ONECUT3: variants seen among roughly 807,000 people sequenced by gnomAD.
ONECUT3 encodes one cut domain family member 3.
A neutral mutation model predicts 16.8 loss-of-function variants in ONECUT3; 11 were observed. That is an observed-to-expected ratio of 0.66 (90% CI 0.41 to 1.09). The LOEUF (loss-of-function observed/expected upper bound fraction) is 1.09. Ranked by LOEUF, ONECUT3 falls within the 50% of genes least tolerant of loss-of-function variation. ONECUT3 has a pLI of 0.00. For synonymous variants in ONECUT3, 344 were observed against 310.7 expected, an observed-to-expected ratio of 1.11 and a Z score of -1.13; for missense variants, 637 against 629.9, an observed-to-expected ratio of 1.01 and a Z score of -0.12.
At chr19:1,757,138 G>C (rs1056043761) in intron 1 of ONECUT3, among the ~76,000 whole-genome samples, 1 of 151,736 alleles carries the variant, frequency 6.6e-6, no homozygotes, top group African/African-American at 2.4e-5. Context: ...CCCATGGGGG[G>C]GGGGTGGGCT....
Position 1,769,574 on chromosome 19 carries a change from G to C in ONECUT3, c.1193-5579G>C, listed in dbSNP as rs139457546. Among the ~76,000 whole-genome samples the C allele has an allele frequency of 2.5e-3, 370 of 148,768 alleles. 4 individuals carry two copies. Among genetic ancestry groups the C allele is most frequent in the Admixed American group, 5.4e-3 (81 of 14,998 alleles). On this transcript the variant is annotated intron_variant, in intron 1 of 1. Transcript: ENST00000382349. The stretch of plus-strand genomic sequence containing the variant: ...TGGGTTGGCACAGGGGTGGCCTTTA[G>C]GATTGGTGTGGGGGTGAACCTGATG...
At chr19:1,775,059 A>C in intron 1 of ONECUT3, 94 bp from the exon 2 acceptor site, 2 of 757,244 alleles carry the variant, frequency 2.6e-6, no homozygotes, top group South Asian at 1.9e-5. Flanking sequence ...CCTCCTCCTC[A>C]TCCTCCGGGC....
chr19:1,754,420 G>A lies in ONECUT3; in HGVS notation c.758G>A (p.Gly253Glu). Residue 253 changes from glycine (G) to glutamate (E), a missense_variant, in exon 1 of 2, where the codon GGA becomes GAA. Transcript: ENST00000382349. The surrounding 1 kb of genome is among the most constrained non-coding windows in gnomAD (Gnocchi z 7.4). ...AAFEPHAALL[G>E]RAEDALARGL... ...TTCGAGCCGCACGCCGCGCTGCTGG[G>A]ACGCGCGGAGGACGCACTGGCCCGC... 9.5e-7 allele frequency: 1 copy of A among 1,054,970 alleles called. No individual in the cohort carries two copies. The highest frequency in any genetic ancestry group is 1.1e-6 in the Non-Finnish European group (1 of 872,202). The allele number at this position is 1,054,970 out of a possible 1,614,324, so 65.4% of individuals were successfully genotyped here. A position where few individuals can be genotyped will look rare whatever the true frequency, so the allele number is the denominator to read the frequency against.
At chr19:1,760,928 T>G (rs1167829240) in intron 1 of ONECUT3, among the ~76,000 whole-genome samples, 2 of 152,056 alleles carry the variant, frequency 1.3e-5, no homozygotes, top group African/African-American at 4.8e-5. Flanking sequence ...CATTCTTCTC[T>G]CTGAATCTCC....
rs1226790318 is a variant in ONECUT3, at chr19:1,766,465, AGAGGGAAGGAAGGGAAGT to A, written c.1193-8673_1193-8656del. ...GGGGGAGAGAAGGAGGAGGAGGGGG[AGAGGGAAGGAAGGGAAGT>A]GAGGGAAGGAAGGGGAAGAGGGGAG... On this transcript the variant is annotated intron_variant, in intron 1 of 1. Transcript: ENST00000382349. The surrounding 1 kb of genome is among the most constrained non-coding windows in gnomAD (Gnocchi z 4.0). Among the ~76,000 whole-genome samples, 1 of 128,182 alleles carries A rather than the reference AGAGGGAAGGAAGGGAAGT, an allele frequency of 7.8e-6. No homozygotes were observed. Among genetic ancestry groups the A allele is most frequent in the African/African-American group, 2.9e-5 (1 of 33,952 alleles). The allele number at this position is 128,182 out of a possible 152,430, so 84.1% of individuals were successfully genotyped here. A position where few individuals can be genotyped will look rare whatever the true frequency, so the allele number is the denominator to read the frequency against.
rs1002229522 is a variant in ONECUT3 at position 1,759,777 on chromosome 19, G to A, written c.1192+4923G>A. On this transcript the variant is annotated intron_variant, in intron 1 of 1. Transcript: ENST00000382349. This position sits in a 1 kb window ranked among gnomAD's most constrained non-coding sequence, Gnocchi z 4.1. ...AATGAAATGACGCCTAGGAGAGGGGGTATGAGGGGCTGGAGGGGCTCAGGG... is the reference window on the plus strand; with the variant it reads ...AATGAAATGACGCCTAGGAGAGGGGATATGAGGGGCTGGAGGGGCTCAGGG... 6.6e-6 allele frequency among the ~76,000 whole-genome samples: 1 copy of A among 152,106 alleles called. No individual in the cohort carries two copies. The highest frequency in any genetic ancestry group is 1.9e-4 in the East Asian group (1 of 5,176).
rs963243545 is a variant in ONECUT3 at position 1,764,511 on chromosome 19, G to A, written c.1192+9657G>A. The stretch of plus-strand genomic sequence containing the variant: ...GTGGGCTCCGCGTGAGATGTGGGCA[G>A]GGCAGGCATGGGGAGGGTAAGCCAC... On this transcript the variant is annotated intron_variant, in intron 1 of 1. Coordinates refer to ENST00000382349, the MANE Select transcript of ONECUT3 (RefSeq NM_001080488.2). The surrounding 1 kb of genome is among the most constrained non-coding windows in gnomAD (Gnocchi z 5.0). Among the ~76,000 whole-genome samples the A allele has an allele frequency of 2.2e-4, 33 of 152,142 alleles. No individual in the cohort carries two copies. Among genetic ancestry groups the A allele is most frequent in the Non-Finnish European group, 1.8e-4 (12 of 68,026 alleles).
intron 1 of ONECUT3, among the ~76,000 whole-genome samples, chr19:1,774,292 T>C (rs1162887725): frequency 1.3e-5 from 2 of 151,974 alleles, no homozygotes; most frequent in Non-Finnish European, 2.9e-5. Flanking sequence ...TAGAGCTTGG[T>C]TGTCACAGCC....
rs754669177 is a variant in ONECUT3, at chr19:1,763,784, T to TC, written c.1192+8936dup. Among the ~76,000 whole-genome samples, 43 of 151,072 alleles carry TC rather than the reference T, an allele frequency of 2.8e-4. 1 individual carries two copies. The highest frequency in any genetic ancestry group is 5.9e-4 in the Admixed American group (9 of 15,154). ...GGAGCTTCAGATGCTCCGAGATTCT[T>TC]CCCCCCGGCTCAGATCCGTGAAGCG... On this transcript the variant is annotated intron_variant, in intron 1 of 1. Coordinates refer to ENST00000382349, the MANE Select transcript of ONECUT3 (RefSeq NM_001080488.2).
intron 1 of ONECUT3, among the ~76,000 whole-genome samples, chr19:1,757,028 T>C (rs2067919809): frequency 6.6e-6 from 1 of 151,788 alleles, no homozygotes; most frequent in Non-Finnish European, 1.5e-5. Flanking sequence ...TGTCACGTTA[T>C]GTAACTAATG....
Position 1,775,255 on chromosome 19 carries a change from T to A in ONECUT3, c.1295T>A (p.Ile432Asn). ...CTGCAGCGACGCACGCTGATCGCCA[T>A]CTTCAAGGAGAACAAGCGGCCGTCC... ...TDLQRRTLIA[I>N]FKENKRPSKE... The change falls in exon 2 of 2, where the codon ATC becomes AAC. Residue 432 changes from isoleucine to asparagine, a missense_variant. Ile to Asn is a moderately radical substitution (Grantham distance 149). Coordinates refer to ENST00000382349, the MANE Select transcript of ONECUT3 (RefSeq NM_001080488.2). 1 of 1,599,250 alleles carries A rather than the reference T, an allele frequency of 6.3e-7. No individual in the cohort carries two copies. The highest frequency in any genetic ancestry group is 8.5e-7 in the Non-Finnish European group (1 of 1,173,022).
In ONECUT3 at chr19:1,753,843, G is replaced by A. The variant is rs886261739; in HGVS notation, c.181G>A (p.Gly61Ser). ...CCTGCTGGACGGCGGCGGCGGCGGC[G>A]GCGGTGGGGGCGCCGGGGGCGCGGG... ...ASLLDGGGGGGGGGAGGAGGA... is the reference protein window; with the variant it reads ...ASLLDGGGGGSGGGAGGAGGA... Residue 61 changes from glycine to serine, a missense_variant, in exon 1 of 2, where the codon GGC becomes AGC. Coordinates refer to ENST00000382349, the MANE Select transcript of ONECUT3 (RefSeq NM_001080488.2). 18 of 971,122 alleles carry A rather than the reference G, an allele frequency of 1.9e-5. No individual in the cohort carries two copies. In the South Asian group the frequency reaches 7.3e-4, roughly 39 times the overall value. 60.2% of individuals were successfully genotyped at this position (971,122 alleles called of 1,614,324 possible). A position where few individuals can be genotyped will look rare whatever the true frequency, so the allele number is the denominator to read the frequency against.
intron 1 of ONECUT3, among the ~76,000 whole-genome samples, chr19:1,756,775 T>C (rs2067918510): frequency 7.0e-6 from 1 of 142,608 alleles, no homozygotes; most frequent in South Asian, 2.2e-4. Flanking sequence ...CTCAAACTCC[T>C]GACCTCAGGT....
At position 1,775,563 on chromosome 19, in the gene ONECUT3, T is replaced by C. The variant is rs2145969237; in HGVS notation, c.*118T>C. 3.9e-6 allele frequency: 4 copies of C among 1,028,432 alleles called. No homozygotes were observed. The highest frequency in any genetic ancestry group is 5.3e-6 in the Non-Finnish European group (4 of 754,028). The allele number at this position is 1,028,432 out of a possible 1,614,324, so 63.7% of individuals were successfully genotyped here. The stretch of plus-strand genomic sequence containing the variant: ...CCCAGGGGGCACCTGGAGGGGGTGC[T>C]ATCCGGGCCCCCCACACCCGGGGAG... On this transcript the variant is annotated 3_prime_UTR_variant, in exon 2 of 2. Coordinates refer to ENST00000382349, the MANE Select transcript of ONECUT3 (RefSeq NM_001080488.2).
intron 1 of ONECUT3, among the ~76,000 whole-genome samples, chr19:1,765,824 G>C (rs2067982774): frequency 6.6e-6 from 1 of 152,184 alleles, no homozygotes; most frequent in African/African-American, 2.4e-5. Context: ...AGTGGTGAGG[G>C]GAGCAGGGGG....
In ONECUT3 at chr19:1,776,318, A is replaced by G. The variant is rs2068108451; in HGVS notation, c.*873A>G. 6.6e-6 allele frequency: 1 copy of G among 152,180 alleles called. No homozygotes were observed. Among genetic ancestry groups the G allele is most frequent in the African/African-American group, 2.4e-5 (1 of 41,410 alleles). The allele number at this position is 152,180 out of a possible 1,614,324, so 9.4% of individuals were successfully genotyped here. On this transcript the variant is annotated 3_prime_UTR_variant, in exon 2 of 2. Coordinates refer to ENST00000382349, the MANE Select transcript of ONECUT3 (RefSeq NM_001080488.2). The surrounding 1 kb of genome is among the most constrained non-coding windows in gnomAD (Gnocchi z 4.9). ...GACGCAGCTCCGGACACGGGAGACC[A>G]CGCCCAGGCTCCCAGGAGAAGGGGA...
At chr19:1,772,839 A>C (rs61322312) in intron 1 of ONECUT3, among the ~76,000 whole-genome samples, 3,019 of 146,198 alleles carry the variant, frequency 0.021, 120 homozygotes, top group East Asian at 0.18. Flanking sequence ...GATTACAGGC[A>C]TGCACCACCA....
chr19:1,753,826 ACGGCGG>A lies in ONECUT3; in HGVS notation c.180_185del (p.Gly63_Gly64del), dbSNP rs949075864. 2.0e-5 allele frequency: 19 copies of A among 957,844 alleles called. No homozygotes were observed. The highest frequency in any genetic ancestry group is 2.2e-5 in the Non-Finnish European group (18 of 810,076). The allele number at this position is 957,844 out of a possible 1,614,324, so 59.3% of individuals were successfully genotyped here. A position where few individuals can be genotyped will look rare whatever the true frequency, so the allele number is the denominator to read the frequency against. ...GTGGCCGGCATGGCGAGCCTGCTGGACGGCGGCGGCGGCGGCGGCGGTGGGGGCGCC... is the reference window on the plus strand; with the variant it reads ...GTGGCCGGCATGGCGAGCCTGCTGGACGGCGGCGGCGGCGGTGGGGGCGCC... On this transcript the variant is annotated inframe_deletion, in exon 1 of 2. Transcript: ENST00000382349.
At position 1,778,536 on chromosome 19, in the gene ONECUT3, G is replaced by A. The variant is rs1169067598; in HGVS notation, c.*3091G>A. On this transcript the variant is annotated 3_prime_UTR_variant, in exon 2 of 2. Transcript: ENST00000382349. ...CGGAGCACGGGCCTGGCGGGGTGCTGGGTCTCCTAGATGCCCTCTGCTTGG... is the reference window on the plus strand; with the variant it reads ...CGGAGCACGGGCCTGGCGGGGTGCTAGGTCTCCTAGATGCCCTCTGCTTGG... 6.6e-6 allele frequency: 1 copy of A among 152,040 alleles called. No individual in the cohort carries two copies. Among genetic ancestry groups the A allele is most frequent in the Non-Finnish European group, 1.5e-5 (1 of 68,016 alleles). The allele number at this position is 152,040 out of a possible 1,614,324, so 9.4% of individuals were successfully genotyped here. A position where few individuals can be genotyped will look rare whatever the true frequency, so the allele number is the denominator to read the frequency against.
Sources: gnomAD v4.1 joint callset for allele counts (sites outside exome capture counted in the v4.1 genomes callset) on GRCh38, gnomAD v4.1.1 for gene constraint, Gnocchi (gnomAD v3.1) non-coding constraint, MANE v1.5 for transcripts, NCBI Gene and HGNC (gene_info 2026-07-23, HGNC 2026-07-21) for gene names.